INSC: variants seen among roughly 807,000 people sequenced by gnomAD.
INSC encodes protein inscuteable homolog.
A neutral mutation model predicts 58.6 loss-of-function variants in INSC; 67 were observed. The observed-to-expected ratio is 1.14, with a 90% CI of 0.94 to 1.40. INSC has a LOEUF of 1.40. Among genes scored for constraint, INSC ranks in the 40% most tolerant of loss-of-function variants. The pLI, the probability that INSC is intolerant of heterozygous loss-of-function variation, is 0.00. For missense variants in INSC, 714 were observed against 692.0 expected (o/e 1.03, Z -0.36); for synonymous variants, 262 against 276.1 (o/e 0.95, Z 0.51).
chr11:15,112,478 G>T (rs1847590046), upstream of INSC: 2 of 1,608,128 alleles, frequency 1.2e-6, no homozygotes, highest in African/African-American at 2.7e-5. Flanking sequence ...CCATGAGACG[G>T]CCCCCTGGCA....
intron 6 of INSC, 126 bp from the exon 7 acceptor site, chr11:15,200,698 C>G (rs537030705): frequency 1.7e-6 from 2 of 1,149,196 alleles, no homozygotes; most frequent in Admixed American, 1.9e-5. Flanking sequence ...GTGTGTGGGG[C>G]GGGGGTTGCT....
At chr11:15,239,629 C>A (rs1254288231) in intron 11 of INSC, among the ~76,000 whole-genome samples, 1 of 152,168 alleles carries the variant, frequency 6.6e-6, no homozygotes, top group African/African-American at 2.4e-5. Context: ...ATTGTCCTGA[C>A]CCCAGGGGCT....
chr11:15,117,025 C>T (rs1452410481), intron 1 of INSC, among the ~76,000 whole-genome samples: 1 of 149,624 alleles, frequency 6.7e-6, no homozygotes, highest in Non-Finnish European at 1.5e-5. Context: ...TCATTGCAAC[C>T]TCTGCCCCCC....
chr11:15,207,505 C>G (rs975728312), intron 7 of INSC, among the ~76,000 whole-genome samples: 1 of 152,096 alleles, frequency 6.6e-6, no homozygotes, highest in Non-Finnish European at 1.5e-5. Context: ...CACGCCCCAC[C>G]CTCATTTCCT....
At chr11:15,140,609 T>C (rs1792545) in intron 1 of INSC, among the ~76,000 whole-genome samples, 87,661 of 149,240 alleles carry the variant, frequency 0.59, 25,934 homozygotes, top group Admixed American at 0.61. Context: ...CTTTTAGAGG[T>C]AGGGTCTTGC....
chr11:15,240,601 T>C (rs1313404429), intron 12 of INSC, 78 bp downstream of exon 12: 1 of 1,214,672 alleles, frequency 8.2e-7, no homozygotes, highest in African/African-American at 1.5e-5. Flanking sequence ...CCGGCTGTGC[T>C]GTGGCTGGCT....
At chr11:15,112,649 G>GC (rs554895352), upstream of INSC, 98 of 545,938 alleles carry the variant, frequency 1.8e-4, 13 homozygotes, top group East Asian at 1.8e-3. Context: ...TTGGGAAGTG[G>GC]GGGGGGGGCA....
At chr11:15,117,178 G>A (rs1847751190) in intron 1 of INSC, among the ~76,000 whole-genome samples, 1 of 151,618 alleles carries the variant, frequency 6.6e-6, no homozygotes, top group Non-Finnish European at 1.5e-5. Flanking sequence ...CTGACCTCAG[G>A]TGATCTGCCT....
rs543263235 is a variant in INSC, at chr11:15,151,617, G to A, written c.56+2387G>A. On this transcript the variant is annotated intron_variant, in intron 2 of 12. Coordinates refer to ENST00000379556, the MANE Select transcript of INSC (RefSeq NM_001042536.3). ...TTCCATCTGGGATGCTGATCTTCTT[G>A]TTGGTTCTGGGCATGGTGGTGGTGC... Among the ~76,000 whole-genome samples, 14 of 152,146 alleles carry A rather than the reference G, an allele frequency of 9.2e-5. No homozygotes were observed. In the East Asian group the frequency reaches 1.2e-3, roughly 13 times the overall value.
At chr11:15,221,724 C>A (rs1414486271) in intron 8 of INSC, 76 bp downstream of exon 8, 1 of 1,384,182 alleles carries the variant, frequency 7.2e-7, no homozygotes, top group Non-Finnish European at 9.8e-7. Flanking sequence ...GCCAGGAAGG[C>A]CTTCCCATCT....
intron 1 of INSC, among the ~76,000 whole-genome samples, chr11:15,145,904 A>G (rs915533192): frequency 6.6e-6 from 1 of 152,082 alleles, no homozygotes; most frequent in Non-Finnish European, 1.5e-5. Context: ...TCGGGAATGG[A>G]GTCAGGGTGT....
At chr11:15,146,521 C>A (rs1848496169) in intron 1 of INSC, among the ~76,000 whole-genome samples, 1 of 152,186 alleles carries the variant, frequency 6.6e-6, no homozygotes, top group South Asian at 2.1e-4. Context: ...GCAGCTCCCC[C>A]TGCATAACTG....
At chr11:15,153,322 C>G in intron 2 of INSC, among the ~76,000 whole-genome samples, 1 of 152,222 alleles carries the variant, frequency 6.6e-6, no homozygotes, top group East Asian at 1.9e-4. Context: ...GGACTGGATG[C>G]AGCTGCAGCT....
At chr11:15,159,585 C>A (rs1357873210) in intron 2 of INSC, among the ~76,000 whole-genome samples, 5 of 152,176 alleles carry the variant, frequency 3.3e-5, no homozygotes, top group African/African-American at 9.7e-5. Flanking sequence ...GACAGTACTG[C>A]ACATGACATT....
In INSC at chr11:15,221,570, A is replaced by C. The variant is rs763983509; in HGVS notation, c.913A>C (p.Thr305Pro). The C allele has an allele frequency of 3.8e-5, 62 of 1,613,384 alleles. 1 individual carries two copies. Among genetic ancestry groups the C allele is most frequent in the Non-Finnish European group, 5.0e-5 (59 of 1,179,854 alleles). ...GGCTGCGGCTGTGGTGGCCCAGGTC[A>C]CCTCCCCACACCTGCCCGTCACCCA... ...AEAAAVVAQV[T>P]SPHLPVTQHL... Residue 305 changes from threonine to proline, a missense_variant, in exon 8 of 13, where the codon ACC (threonine) becomes CCC (proline). Coordinates refer to ENST00000379556, the MANE Select transcript of INSC (RefSeq NM_001042536.3).
the INSC span, among the ~76,000 whole-genome samples, chr11:15,256,765 C>T: frequency 2.6e-5 from 4 of 152,166 alleles, no homozygotes; most frequent in South Asian, 8.3e-4. Flanking sequence ...TGGGATTACA[C>T]GGGTGAGGCA....
At position 15,163,263 on chromosome 11, in the gene INSC, G is replaced by A. The variant is rs150785540; in HGVS notation, c.57-12478G>A. Among the ~76,000 whole-genome samples the A allele has an allele frequency of 6.0e-4, 91 of 152,224 alleles. 1 individual carries two copies. Among genetic ancestry groups the A allele is most frequent in the African/African-American group, 2.1e-3 (89 of 41,510 alleles). The stretch of plus-strand genomic sequence containing the variant: ...TAGTGGAATTTTCTGTCTCTTATGG[G>A]TAACATGCCACTTAGTTTTAGATAC... On this transcript the variant is annotated intron_variant, in intron 2 of 12. Coordinates refer to ENST00000379556, the MANE Select transcript of INSC (RefSeq NM_001042536.3).
rs141911984 is a variant in INSC, at chr11:15,169,417, C to A, written c.57-6324C>A. 6.4e-3 allele frequency among the ~76,000 whole-genome samples: 973 copies of A among 152,330 alleles called. 7 individuals carry two copies. Among genetic ancestry groups the A allele is most frequent in the African/African-American group, 0.022 (933 of 41,566 alleles). ...GAAGGCTCTGTTCCTGGCTCTTTAGCCAGGTTTCACCTATCATCCTGGAGC... is the reference window on the plus strand; with the variant it reads ...GAAGGCTCTGTTCCTGGCTCTTTAGACAGGTTTCACCTATCATCCTGGAGC... On this transcript the variant is annotated intron_variant, in intron 2 of 12. Coordinates refer to ENST00000379556, the MANE Select transcript of INSC (RefSeq NM_001042536.3).
chr11:15,166,470 G>A (rs1263660697), intron 2 of INSC, among the ~76,000 whole-genome samples: 2 of 152,066 alleles, frequency 1.3e-5, no homozygotes, highest in Non-Finnish European at 2.9e-5. Flanking sequence ...ACAGGGCTGG[G>A]AACTCACCTA....
Sources: allele counts gnomAD v4.1 joint callset (sites outside exome capture counted in the v4.1 genomes callset), GRCh38; gene constraint gnomAD v4.1.1; transcripts MANE v1.5; gene names NCBI Gene and HGNC (gene_info 2026-07-23, HGNC 2026-07-21).